COL24A1: variants seen among roughly 807,000 people sequenced by gnomAD.
COL24A1 encodes the protein collagen alpha-1(XXIV) chain.
In COL24A1, 224 loss-of-function variants were observed where a neutral mutation model predicts 253.9. That is an observed-to-expected ratio of 0.88 (90% CI 0.79 to 0.99). The LOEUF (loss-of-function observed/expected upper bound fraction) is 0.99. Among genes scored for constraint, COL24A1 ranks in the 50% least tolerant of loss-of-function variants. COL24A1 has a pLI of 0.00. For synonymous variants in COL24A1, 685 were observed against 673.7 expected (o/e 1.02, Z -0.26); for missense variants, 2,131 against 2,068.5 (o/e 1.03, Z -0.59).
intron 10 of COL24A1, among the ~76,000 whole-genome samples, chr1:86,051,646 G>A (rs1163464253): frequency 6.6e-6 from 1 of 151,912 alleles, no homozygotes; most frequent in East Asian, 1.9e-4. Context: ...AATTTACACT[G>A]TGAGTCATTA....
chr1:86,061,660 T>G (rs1353073967), intron 8 of COL24A1, among the ~76,000 whole-genome samples: 1 of 152,078 alleles, frequency 6.6e-6, no homozygotes, highest in African/African-American at 2.4e-5. Context: ...TTCAGCATAA[T>G]CTTTATATGG....
rs773415715 is a variant in COL24A1, at chr1:86,156,359, A to G, written c.38T>C (p.Val13Ala). The G allele has an allele frequency of 6.2e-7, 1 of 1,612,566 alleles. No homozygotes were observed. Among genetic ancestry groups the G allele is most frequent in the South Asian group, 1.1e-5 (1 of 90,780 alleles). ...TACTTACGTTTTTGCCGTGGGGGAG[A>G]CTTTTCCACGCCTTGTTCTGTGGGC... ...LRAHRTRRGK[V>A]SPTAKTKSLL... Residue 13 changes from valine (V) to alanine (A), a missense_variant, in exon 1 of 60, where the codon GTC becomes GCC. Transcript: ENST00000370571.
intron 32 of COL24A1, among the ~76,000 whole-genome samples, chr1:85,888,027 C>G (rs1175435386): frequency 6.8e-6 from 1 of 146,580 alleles, no homozygotes; most frequent in Non-Finnish European, 1.5e-5. Context: ...CTCAAACCTA[C>G]TTTTCCGTGT....
At chr1:85,890,909 A>G (rs1027326134) in intron 31 of COL24A1, among the ~76,000 whole-genome samples, 6 of 152,198 alleles carry the variant, frequency 3.9e-5, no homozygotes, top group African/African-American at 1.2e-4. Flanking sequence ...AGAGCATCTC[A>G]GATATGAAGT....
intron 1 of COL24A1, among the ~76,000 whole-genome samples, chr1:86,153,569 T>C (rs140927237): frequency 3.7e-4 from 57 of 152,348 alleles, no homozygotes; most frequent in African/African-American, 1.3e-3. Flanking sequence ...GCTATTCTAA[T>C]TCCCATAATA....
intron 55 of COL24A1, among the ~76,000 whole-genome samples, chr1:85,754,271 G>T (rs1297830262): frequency 4.4e-5 from 1 of 22,666 alleles, no homozygotes; most frequent in African/African-American, 1.3e-4. Flanking sequence ...ATCATTCTCA[G>T]TAAACTATTG....
chr1:85,894,543 C>T (rs1571118542), intron 31 of COL24A1, among the ~76,000 whole-genome samples: 1 of 72,200 alleles, frequency 1.4e-5, no homozygotes, highest in Non-Finnish European at 2.8e-5. Context: ...TTCTCTGGGT[C>T]TCATTTTTTT....
At chr1:85,827,321 A>C (rs560762845) in intron 43 of COL24A1, among the ~76,000 whole-genome samples, 1 of 151,360 alleles carries the variant, frequency 6.6e-6, no homozygotes, top group African/African-American at 2.4e-5. Flanking sequence ...TGCTGGATTC[A>C]GTTTGCCAGT....
At chr1:86,131,679 A>T (rs1353097251) in intron 2 of COL24A1, among the ~76,000 whole-genome samples, 1 of 152,016 alleles carries the variant, frequency 6.6e-6, no homozygotes, top group African/African-American at 2.4e-5. Flanking sequence ...TGTCCCTACA[A>T]AGGACATGAA....
intron 24 of COL24A1, among the ~76,000 whole-genome samples, chr1:85,913,085 A>G (rs1286209171): frequency 6.6e-6 from 1 of 152,152 alleles, no homozygotes; most frequent in Admixed American, 6.5e-5. Flanking sequence ...TGCTAATATT[A>G]TTGCTTAAAT....
intron 39 of COL24A1, among the ~76,000 whole-genome samples, chr1:85,845,697 A>G (rs545328431): frequency 6.6e-6 from 1 of 152,036 alleles, no homozygotes; most frequent in South Asian, 2.1e-4. Context: ...CACTAAGTTG[A>G]TGTAACAGAA....
intron 8 of COL24A1, among the ~76,000 whole-genome samples, chr1:86,062,103 T>C (rs1200434601): frequency 6.6e-6 from 1 of 152,048 alleles, no homozygotes; most frequent in African/African-American, 2.4e-5. Flanking sequence ...TGACATTAAG[T>C]TAATTAACAT....
At chr1:85,805,349 A>G (rs1344584649) in intron 47 of COL24A1, among the ~76,000 whole-genome samples, 1 of 152,232 alleles carries the variant, frequency 6.6e-6, no homozygotes, top group Non-Finnish European at 1.5e-5. Flanking sequence ...ATCTGCCATT[A>G]TTTGAAGATG....
At chr1:85,829,087 C>T (rs1262738895) in intron 43 of COL24A1, among the ~76,000 whole-genome samples, 3 of 151,456 alleles carry the variant, frequency 2.0e-5, no homozygotes, top group South Asian at 2.1e-4. Context: ...ATGTTTAGCG[C>T]TTCCTTCAGG....
intron 57 of COL24A1, among the ~76,000 whole-genome samples, chr1:85,738,762 T>C (rs946411768): frequency 2.0e-5 from 3 of 152,180 alleles, no homozygotes; most frequent in Non-Finnish European, 4.4e-5. Context: ...TCCTCTAGCT[T>C]CTAAAACATC....
At chr1:86,132,859 G>A (rs949320595) in intron 2 of COL24A1, among the ~76,000 whole-genome samples, 1 of 151,808 alleles carries the variant, frequency 6.6e-6, no homozygotes, top group Non-Finnish European at 1.5e-5. Flanking sequence ...GCTCTTTTTT[G>A]GTTCCATATG....
chr1:86,032,704 G>A (rs946018246), intron 13 of COL24A1, among the ~76,000 whole-genome samples: 1 of 151,942 alleles, frequency 6.6e-6, no homozygotes. Context: ...ATACTATAGA[G>A]AATTATAAAC....
intron 13 of COL24A1, among the ~76,000 whole-genome samples, chr1:86,032,726 A>T (rs912521734): frequency 3.9e-5 from 6 of 152,176 alleles, no homozygotes; most frequent in Admixed American, 6.6e-5. Flanking sequence ...AGTAAACTAA[A>T]TATATCCAGT....
chr1:85,921,513 G>C (rs1426668797), intron 24 of COL24A1, among the ~76,000 whole-genome samples: 2 of 152,178 alleles, frequency 1.3e-5, no homozygotes, highest in African/African-American at 4.8e-5. Flanking sequence ...AGCCTCCACT[G>C]GTGATACCTA....
Sources: allele counts gnomAD v4.1 joint callset (sites outside exome capture counted in the v4.1 genomes callset), GRCh38; gene constraint gnomAD v4.1.1; transcripts MANE v1.5; gene names NCBI Gene and HGNC (gene_info 2026-07-23, HGNC 2026-07-21).